Variants in TRIM69 observed in about 807,000 individuals in gnomAD.
TRIM69 encodes the protein tripartite motif containing 69.
In TRIM69, 29 loss-of-function variants were observed where a neutral mutation model predicts 37.7. The ratio of observed to expected loss-of-function variants is 0.77; its 90% CI spans 0.57 to 1.05. TRIM69 has a LOEUF of 1.05. Ranked by LOEUF, TRIM69 falls within the 50% of genes least tolerant of loss-of-function variation. TRIM69 has a pLI of 0.00. For synonymous variants in TRIM69, 209 were observed against 212.4 expected, an observed-to-expected ratio of 0.98 and a Z score of 0.14; for missense variants, 596 against 579.9, an observed-to-expected ratio of 1.03 and a Z score of -0.28.
At position 44,755,305 on chromosome 15, in the gene TRIM69, A is replaced by G. The variant is rs751614979; in HGVS notation, c.412A>G (p.Lys138Glu). Residue 138 changes from lysine (K) to glutamate (E), a missense_variant, in exon 2 of 7, where the codon AAG becomes GAG. Physicochemically the swap from Lys to Glu is moderately conservative, Grantham distance 56 (BLOSUM62 1). Transcript: ENST00000329464. The stretch of plus-strand genomic sequence containing the variant: ...TGGGAAACTGATCTGCTTTCAATGC[A>G]AGGATGCTCGGTTGTCTGTGGGGCA... ...PDGKLICFQCKDARLSVGQSK... is the reference protein window; with the variant it reads ...PDGKLICFQCEDARLSVGQSK... 1.1e-5 allele frequency: 18 copies of G among 1,614,014 alleles called. No individual in the cohort carries two copies. The highest frequency in any genetic ancestry group is 1.5e-5 in the Non-Finnish European group (18 of 1,180,022).
At chr15:44,766,406 A>G (rs1479843017) in intron 6 of TRIM69, among the ~76,000 whole-genome samples, 1 of 152,172 alleles carries the variant, frequency 6.6e-6, no homozygotes, top group East Asian at 1.9e-4. Flanking sequence ...ATTGTCCTCT[A>G]AACTCTGTAC....
At chr15:44,747,376 C>T (rs2087430990) in intron 1 of TRIM69, among the ~76,000 whole-genome samples, 1 of 152,132 alleles carries the variant, frequency 6.6e-6, no homozygotes, top group Non-Finnish European at 1.5e-5. Flanking sequence ...TGCCTCCATC[C>T]TCATACAAGT....
chr15:44,748,384 G>A (rs948396314), intron 1 of TRIM69, among the ~76,000 whole-genome samples: 1 of 152,190 alleles, frequency 6.6e-6, no homozygotes, highest in Non-Finnish European at 1.5e-5. Flanking sequence ...TGCCATCACT[G>A]AATGTTTATT....
intron 6 of TRIM69, among the ~76,000 whole-genome samples, chr15:44,762,768 G>A (rs1471990216): frequency 6.6e-6 from 1 of 151,906 alleles, no homozygotes; most frequent in Non-Finnish European, 1.5e-5. Context: ...TTGAAAAAAT[G>A]GAAGACATTT....
rs1402765442 is a variant in TRIM69, at chr15:44,767,602, A to G, written c.1333A>G (p.Ile445Val). ...GACTAACAACCTCGACAAGGTGGGC[A>G]TATACCTGGATTATGAAGGAGGACA... ...TLTNNLDKVG[I>V]YLDYEGGQLS... Residue 445 changes from isoleucine (I) to valine (V), a missense_variant, in exon 7 of 7, where the codon ATA (isoleucine) becomes GTA (valine). By Grantham distance (29) the Ile-to-Val change is conservative. Transcript: ENST00000329464. 1 of 1,614,230 alleles carries G rather than the reference A, an allele frequency of 6.2e-7. No homozygotes were observed.
chr15:44,737,090 T>C (rs1179235063), intron 1 of TRIM69, among the ~76,000 whole-genome samples: 1 of 152,328 alleles, frequency 6.6e-6, no homozygotes, highest in African/African-American at 2.4e-5. Context: ...GATACTTAGA[T>C]AGTAAACATT....
At chr15:44,739,989 G>C (rs1001621096) in intron 1 of TRIM69, among the ~76,000 whole-genome samples, 34 of 151,964 alleles carry the variant, frequency 2.2e-4, no homozygotes, top group Non-Finnish European at 1.3e-4. Context: ...CCCAAGTAGG[G>C]GCAGACTGAC....
intron 1 of TRIM69, among the ~76,000 whole-genome samples, chr15:44,749,092 G>A (rs2141319657): frequency 6.6e-6 from 1 of 152,128 alleles, no homozygotes; most frequent in South Asian, 2.1e-4. Context: ...GTTTCACCAT[G>A]TTGCTCACGC....
Position 44,767,529 on chromosome 15 carries a change from C to A in TRIM69, c.1260C>A (p.Asn420Lys), listed in dbSNP as rs569508537. ...EQGFWLLRLR[N>K]QTDLKALDLP... ...GATTCTGGCTTTTAAGACTAAGGAACCAAACTGATCTAAAGGCTCTGGATT... is the reference window on the plus strand; with the variant it reads ...GATTCTGGCTTTTAAGACTAAGGAAACAAACTGATCTAAAGGCTCTGGATT... Residue 420 changes from asparagine (N) to lysine (K), a missense_variant, in exon 7 of 7, where the codon AAC becomes AAA. Asn to Lys is a moderately conservative substitution (Grantham distance 94). Transcript: ENST00000329464. 3.1e-6 allele frequency: 5 copies of A among 1,614,072 alleles called. No individual in the cohort carries two copies. The highest frequency in any genetic ancestry group is 4.2e-6 in the Non-Finnish European group (5 of 1,180,038).
chr15:44,757,250 G>C lies in TRIM69; in HGVS notation c.579+787G>C, dbSNP rs944518960. ...ATTGAGTGGGTCAGGCATAATACTA[G>C]ATATTGGGGATGGGAGACAGCTGTT... On this transcript the variant is annotated intron_variant, in intron 3 of 6. Coordinates refer to ENST00000329464, the MANE Select transcript of TRIM69 (RefSeq NM_182985.5). 10 of 152,090 alleles carry C rather than the reference G, an allele frequency of 6.6e-5. No individual in the cohort carries two copies. The East Asian group carries it at 1.9e-3, about 29-fold the overall frequency. The allele number at this position is 152,090 out of a possible 1,614,324, so 9.4% of individuals were successfully genotyped here.
chr15:44,743,442 A>G (rs2087336136), intron 1 of TRIM69, among the ~76,000 whole-genome samples: 1 of 152,278 alleles, frequency 6.6e-6, no homozygotes, highest in Non-Finnish European at 1.5e-5. Flanking sequence ...AGCAAGGGCA[A>G]CAAAAGCCAA....
At chr15:44,756,585 G>A (rs3759882) in intron 3 of TRIM69, 122 bp downstream of exon 3, 32,860 of 643,964 alleles carry the variant, frequency 0.051, 1,027 homozygotes, top group South Asian at 0.085. Flanking sequence ...CCTAGGCTAT[G>A]GAATTGGAAA....
At chr15:44,762,180 A>G (rs556709181) in intron 6 of TRIM69, among the ~76,000 whole-genome samples, 1 of 151,990 alleles carries the variant, frequency 6.6e-6, no homozygotes, top group Admixed American at 6.6e-5. Context: ...GTTAGCCAGG[A>G]TGGTCTCGAT....
rs147045128 is a variant in TRIM69, at chr15:44,750,153, T to C, written c.7-4747T>C. ...TTATCTGGTATAGGATTTGCAAATA[T>C]TTTCTTCCATTCTGTGAGTTGTCTT... On this transcript the variant is annotated intron_variant, in intron 1 of 6. Transcript: ENST00000329464. 3.0e-3 allele frequency among the ~76,000 whole-genome samples: 450 copies of C among 152,354 alleles called. 4 individuals are homozygous for C. The highest frequency in any genetic ancestry group is 0.01 in the African/African-American group (432 of 41,580).
chr15:44,738,503 T>A (rs986366113), intron 1 of TRIM69, among the ~76,000 whole-genome samples: 1 of 152,252 alleles, frequency 6.6e-6, no homozygotes, highest in Non-Finnish European at 1.5e-5. Flanking sequence ...TGGCAGTAGA[T>A]GTGTTTCCTA....
At chr15:44,744,819 G>C (rs912785711) in intron 1 of TRIM69, among the ~76,000 whole-genome samples, 3 of 152,018 alleles carry the variant, frequency 2.0e-5, no homozygotes, top group Non-Finnish European at 4.4e-5. Context: ...CCATTAGTTT[G>C]TTTAACTCAG....
chr15:44,760,262 CT>C (rs2087748247), intron 6 of TRIM69, among the ~76,000 whole-genome samples: 1 of 152,076 alleles, frequency 6.6e-6, no homozygotes, highest in Non-Finnish European at 1.5e-5. Flanking sequence ...TTCTTTTGTG[CT>C]TGATGTTCAT....
intron 1 of TRIM69, chr15:44,753,813 C>G (rs2087584516): frequency 6.6e-6 from 1 of 152,092 alleles, no homozygotes; most frequent in Non-Finnish European, 1.5e-5. Flanking sequence ...CCTCCCAGGT[C>G]AAGCAATTCT....
Position 44,758,610 on chromosome 15 carries a change from G to C in TRIM69, c.580-11G>C. 6.2e-7 allele frequency: 1 copy of C among 1,613,694 alleles called. No individual in the cohort carries two copies. The highest frequency in any genetic ancestry group is 8.5e-7 in the Non-Finnish European group (1 of 1,179,882). ...TGCAATAACCATGGTGATAATCATGGAGGTTTCCAGGAAAACAAGCTACAT... is the reference window on the plus strand; with the variant it reads ...TGCAATAACCATGGTGATAATCATGCAGGTTTCCAGGAAAACAAGCTACAT... On this transcript the variant is annotated splice_polypyrimidine_tract_variant and intron_variant, in intron 3 of 6. Coordinates refer to ENST00000329464, the MANE Select transcript of TRIM69 (RefSeq NM_182985.5).
Sources: allele counts gnomAD v4.1 joint callset (sites outside exome capture counted in the v4.1 genomes callset), GRCh38; gene constraint gnomAD v4.1.1; transcripts MANE v1.5; gene names NCBI Gene and HGNC (gene_info 2026-07-23, HGNC 2026-07-21).